The following PALM2AKAP2 variants were observed in gnomAD, a reference collection of about 807,000 sequenced individuals.
PALM2AKAP2 encodes the protein PALM2 and AKAP2 fusion.
PALM2AKAP2 carries 37 observed loss-of-function variants against 71.5 expected under a neutral mutation model. The observed-to-expected ratio is 0.52, with a 90% CI of 0.40 to 0.68. The LOEUF (loss-of-function observed/expected upper bound fraction) is 0.68, where lower values mean the gene tolerates loss of function less well. PALM2AKAP2 is among the 30% of genes least tolerant of loss of function. The probability of loss-of-function intolerance (pLI) is 0.00; values close to 1 mark genes in which losing one functional copy is unlikely to be tolerated. For missense variants in PALM2AKAP2, 1,224 were observed against 1,191.8 expected (o/e 1.03, Z -0.40); for synonymous variants, 468 against 478.8 (o/e 0.98, Z 0.29).
chr9:110,105,840 C>T (rs749211891), intron 1 of PALM2AKAP2, among the ~76,000 whole-genome samples: 8 of 152,030 alleles, frequency 5.3e-5, no homozygotes, highest in African/African-American at 1.4e-4. Flanking sequence ...GTTAATTTTG[C>T]GTTTAAGTCT....
chr9:109,901,213 A>G (rs988009538), intron 3 of PALM2AKAP2, among the ~76,000 whole-genome samples: 2 of 152,164 alleles, frequency 1.3e-5, no homozygotes, highest in African/African-American at 2.4e-5. Context: ...ACCACCTAGG[A>G]GTTGGACTGC....
chr9:110,106,813 C>A (rs770974063), intron 1 of PALM2AKAP2, among the ~76,000 whole-genome samples: 1 of 152,194 alleles, frequency 6.6e-6, no homozygotes, highest in Non-Finnish European at 1.5e-5. Context: ...AGTTCCCAAA[C>A]AAATGGCTTG....
intron 1 of PALM2AKAP2, among the ~76,000 whole-genome samples, chr9:109,797,183 C>G (rs1827283602): frequency 6.6e-6 from 1 of 152,180 alleles, no homozygotes; most frequent in Admixed American, 6.5e-5. Flanking sequence ...CCATCTCTCT[C>G]AGCTGGGTTG....
chr9:110,019,786 A>C (rs1256752303), intron 7 of PALM2AKAP2, among the ~76,000 whole-genome samples: 1 of 152,202 alleles, frequency 6.6e-6, no homozygotes, highest in East Asian at 1.9e-4. Flanking sequence ...GGGGACTCTA[A>C]AAGAAGGGGC....
chr9:109,732,361 A>G (rs1376448344), intron 1 of PALM2AKAP2, among the ~76,000 whole-genome samples: 1 of 152,210 alleles, frequency 6.6e-6, no homozygotes, highest in African/African-American at 2.4e-5. Flanking sequence ...CTGCATGTTC[A>G]TTATTTATAA....
intron 1 of PALM2AKAP2, among the ~76,000 whole-genome samples, chr9:110,101,512 G>A (rs985502279): frequency 2.0e-5 from 3 of 152,126 alleles, no homozygotes; most frequent in African/African-American, 7.2e-5. Flanking sequence ...GTAGTCACAC[G>A]CTTTCAGGGG....
At chr9:109,837,965 A>T (rs1828528121) in intron 1 of PALM2AKAP2, among the ~76,000 whole-genome samples, 1 of 152,218 alleles carries the variant, frequency 6.6e-6, no homozygotes, top group South Asian at 2.1e-4. Context: ...CATTAGACAG[A>T]TAACGAGACA....
In PALM2AKAP2 at chr9:109,926,512, G is replaced by A. The variant is rs115126759; in HGVS notation, c.394+1430G>A. Among the ~76,000 whole-genome samples, 537 of 152,206 alleles carry A rather than the reference G, an allele frequency of 3.5e-3. 5 individuals are homozygous for A. The highest frequency in any genetic ancestry group is 0.012 in the African/African-American group (507 of 41,542). On this transcript the variant is annotated intron_variant, in intron 5 of 9. Transcript: ENST00000302798. Reference sequence around the variant, plus strand: ...GGGTGGGGCACGGATTGAGGAAGTGGCCTTGGGGAATTGTGGGTACAGCAT... The same window carrying A: ...GGGTGGGGCACGGATTGAGGAAGTGACCTTGGGGAATTGTGGGTACAGCAT...
At chr9:109,854,937 A>AT (rs1235280447) in intron 1 of PALM2AKAP2, among the ~76,000 whole-genome samples, 1 of 151,010 alleles carries the variant, frequency 6.6e-6, no homozygotes, top group Admixed American at 6.6e-5. Flanking sequence ...CGCCTGGCTA[A>AT]TTTTTTGCAT....
chr9:109,669,385 A>G (rs1261216945), intron 1 of PALM2AKAP2, among the ~76,000 whole-genome samples: 1 of 152,004 alleles, frequency 6.6e-6, no homozygotes, highest in Non-Finnish European at 1.5e-5. Context: ...TATGTTCGTG[A>G]ACAAATATTG....
exon 2 of PALM2AKAP2, chr9:110,137,945 G>C: frequency 6.2e-7 from 1 of 1,614,172 alleles, no homozygotes; most frequent in East Asian, 2.2e-5. Context: ...GGAGTATCAG[G>C]CTGGCCTCCT....
At chr9:109,768,261 G>T (rs1204598429) in intron 1 of PALM2AKAP2, among the ~76,000 whole-genome samples, 1 of 152,066 alleles carries the variant, frequency 6.6e-6, no homozygotes, top group African/African-American at 2.4e-5. Context: ...TCAGTTGATT[G>T]TCCTTTTAAT....
intron 6 of PALM2AKAP2, among the ~76,000 whole-genome samples, chr9:110,004,839 C>A (rs1030489259): frequency 4.6e-5 from 7 of 152,208 alleles, no homozygotes; most frequent in African/African-American, 1.7e-4. Context: ...GGGGCTTGTG[C>A]ATTCATCACG....
intron 6 of PALM2AKAP2, among the ~76,000 whole-genome samples, chr9:109,975,592 T>C (rs1170362912): frequency 6.6e-6 from 1 of 152,240 alleles, no homozygotes; most frequent in Non-Finnish European, 1.5e-5. Flanking sequence ...ACAGTAGGTA[T>C]ATGTATCTTC....
At chr9:109,875,174 A>G (rs932053151) in intron 2 of PALM2AKAP2, among the ~76,000 whole-genome samples, 1 of 152,070 alleles carries the variant, frequency 6.6e-6, no homozygotes, top group Non-Finnish European at 1.5e-5. Context: ...AAACACACCA[A>G]ACTCTGTCCT....
intron 3 of PALM2AKAP2, among the ~76,000 whole-genome samples, chr9:109,901,051 A>G (rs550792016): frequency 7.2e-5 from 11 of 152,330 alleles, no homozygotes; most frequent in African/African-American, 2.4e-4. Flanking sequence ...AGATGGAGCA[A>G]ATGTACCTGG....
chr9:109,713,663 C>T (rs561754655), intron 1 of PALM2AKAP2, among the ~76,000 whole-genome samples: 4 of 152,134 alleles, frequency 2.6e-5, no homozygotes, highest in Admixed American at 1.3e-4. Flanking sequence ...TCTGAAGAAA[C>T]GACATGGTGT....
chr9:109,760,361 GT>G (rs1829032216), intron 1 of PALM2AKAP2: 1 of 152,076 alleles, frequency 6.6e-6, no homozygotes, highest in Non-Finnish European at 1.5e-5. Flanking sequence ...AAAGTTTAAT[GT>G]TTATTATAAT....
intron 1 of PALM2AKAP2, among the ~76,000 whole-genome samples, chr9:109,698,104 C>T (rs1253488244): frequency 6.6e-6 from 1 of 152,070 alleles, no homozygotes; most frequent in Non-Finnish European, 1.5e-5. Context: ...AAACATGAGA[C>T]CACACATTGT....
Sources: gnomAD v4.1 joint callset for allele counts (sites outside exome capture counted in the v4.1 genomes callset) on GRCh38, gnomAD v4.1.1 for gene constraint, MANE v1.5 for transcripts, NCBI Gene and HGNC (gene_info 2026-07-23, HGNC 2026-07-21) for gene names.